The following EPHA6 variants were observed in gnomAD, a reference collection of about 807,000 sequenced individuals.
EPHA6 encodes the protein ephrin type-A receptor 6.
A neutral mutation model predicts 112.0 loss-of-function variants in EPHA6; 50 were observed. The observed-to-expected ratio is 0.45, with a 90% CI of 0.36 to 0.56. The LOEUF (loss-of-function observed/expected upper bound fraction) is 0.56, where lower values mean the gene tolerates loss of function less well. EPHA6 is among the 20% of genes least tolerant of loss of function. The pLI is 0.00. For synonymous variants in EPHA6, 529 were observed against 490.7 expected (o/e 1.08, Z -1.03); for missense variants, 1,280 against 1,417.4 (o/e 0.90, Z 1.56).
chr3:97,371,654 G>A (rs1049912269), intron 5 of EPHA6, among the ~76,000 whole-genome samples: 1 of 152,142 alleles, frequency 6.6e-6, no homozygotes, highest in Non-Finnish European at 1.5e-5. Context: ...AATGTTCAAG[G>A]AACAAGGGAG....
intron 3 of EPHA6, among the ~76,000 whole-genome samples, chr3:97,095,688 A>T (rs2047215547): frequency 1.3e-5 from 2 of 151,766 alleles, no homozygotes; most frequent in African/African-American, 4.8e-5. Context: ...GGTGTGTGTA[A>T]CTCTGGGATA....
chr3:97,236,016 T>G (rs528413646), intron 4 of EPHA6, among the ~76,000 whole-genome samples: 5 of 152,088 alleles, frequency 3.3e-5, no homozygotes, highest in South Asian at 2.1e-4. Context: ...AATGTTTTAA[T>G]ATATTTCATA....
At position 96,987,510 on chromosome 3, in the gene EPHA6, G is replaced by C. The variant is rs1324584821; in HGVS notation, c.631G>C (p.Val211Leu). The C allele has an allele frequency of 6.2e-7, 1 of 1,613,926 alleles. No individual in the cohort carries two copies. Among genetic ancestry groups the C allele is most frequent in the Admixed American group, 1.7e-5 (1 of 59,996 alleles). ...AAGGGATTGTAACAGCATCCCATGG[G>C]TCTTGGGGACTTGCAAAGAAACATT... ...TLRDCNSIPWVLGTCKETFNL... is the reference protein window; with the variant it reads ...TLRDCNSIPWLLGTCKETFNL... The change falls in exon 3 of 18, where the codon GTC (valine) becomes CTC (leucine). Residue 211 changes from valine (V) to leucine (L), a missense_variant. Physicochemically the swap from Val to Leu is conservative, Grantham distance 32. Coordinates refer to ENST00000389672, the MANE Select transcript of EPHA6 (RefSeq NM_001080448.3).
intron 3 of EPHA6, among the ~76,000 whole-genome samples, chr3:97,052,719 G>A (rs2045722858): frequency 6.6e-6 from 1 of 152,074 alleles, no homozygotes; most frequent in Admixed American, 6.6e-5. Flanking sequence ...TTTTCAGATA[G>A]TAGGGGATTA....
In EPHA6 at chr3:97,039,434, C is replaced by G. The variant is rs549554283; in HGVS notation, c.1114+51441C>G. Among the ~76,000 whole-genome samples the G allele has an allele frequency of 1.9e-4, 29 of 151,836 alleles. No homozygotes were observed. In the South Asian group the frequency reaches 3.3e-3, roughly 17 times the overall value. ...TAATTTGGAGAGTGGTAGACACAAGCCTGTTGGAGTAGATTGAAGAATGAA... is the reference window on the plus strand; with the variant it reads ...TAATTTGGAGAGTGGTAGACACAAGGCTGTTGGAGTAGATTGAAGAATGAA... On this transcript the variant is annotated intron_variant, in intron 3 of 17. Coordinates refer to ENST00000389672, the MANE Select transcript of EPHA6 (RefSeq NM_001080448.3).
chr3:97,543,988 T>G (rs879526103), intron 11 of EPHA6, among the ~76,000 whole-genome samples: 4 of 152,250 alleles, frequency 2.6e-5, no homozygotes, highest in Admixed American at 1.3e-4. Flanking sequence ...GTGGAGATTT[T>G]GGGCTCAGAT....
intron 11 of EPHA6, among the ~76,000 whole-genome samples, chr3:97,590,548 C>A (rs2093533443): frequency 6.7e-6 from 1 of 148,710 alleles, no homozygotes; most frequent in South Asian, 2.1e-4. Flanking sequence ...AGAGTCACTA[C>A]TTTACATATT....
intron 5 of EPHA6, among the ~76,000 whole-genome samples, chr3:97,287,314 T>C (rs1475435807): frequency 6.6e-6 from 1 of 152,114 alleles, no homozygotes; most frequent in Non-Finnish European, 1.5e-5. Context: ...GCTTAGCTTC[T>C]CTGAGTTCAG....
intron 10 of EPHA6, among the ~76,000 whole-genome samples, chr3:97,510,490 C>G (rs1050767449): frequency 3.3e-5 from 5 of 152,190 alleles, no homozygotes; most frequent in African/African-American, 1.2e-4. Context: ...CACTCAGACC[C>G]TGTTTGCCTG....
chr3:97,240,762 T>C (rs1357493413), intron 4 of EPHA6, among the ~76,000 whole-genome samples: 1 of 151,788 alleles, frequency 6.6e-6, no homozygotes, highest in Non-Finnish European at 1.5e-5. Flanking sequence ...AAAATAAGAT[T>C]CTATGAACAA....
At chr3:97,326,601 A>G (rs1395033071) in intron 5 of EPHA6, among the ~76,000 whole-genome samples, 2 of 152,088 alleles carry the variant, frequency 1.3e-5, no homozygotes, top group Non-Finnish European at 2.9e-5. Flanking sequence ...TAAGGAGCTT[A>G]AACTTTTATA....
chr3:97,379,204 T>G (rs1230382644), intron 5 of EPHA6, among the ~76,000 whole-genome samples: 1 of 152,142 alleles, frequency 6.6e-6, no homozygotes, highest in Non-Finnish European at 1.5e-5. Flanking sequence ...TTTCTTGAAG[T>G]GCCTTTCAGC....
intron 14 of EPHA6, among the ~76,000 whole-genome samples, chr3:97,663,733 A>G (rs965991188): frequency 6.6e-6 from 1 of 152,068 alleles, no homozygotes; most frequent in African/African-American, 2.4e-5. Context: ...CCAGTCTATC[A>G]TTGCTGGACA....
At chr3:97,536,171 T>C (rs2092761298) in intron 11 of EPHA6, among the ~76,000 whole-genome samples, 1 of 152,154 alleles carries the variant, frequency 6.6e-6, no homozygotes, top group Non-Finnish European at 1.5e-5. Flanking sequence ...ATAGCACAGA[T>C]AATAGCAATT....
intron 2 of EPHA6, among the ~76,000 whole-genome samples, chr3:96,931,276 G>T (rs1281245183): frequency 6.6e-6 from 1 of 152,152 alleles, no homozygotes; most frequent in African/African-American, 2.4e-5. Flanking sequence ...AATGGATCAG[G>T]GTCCTGCTTT....
At chr3:97,228,813 AGTT>A (rs1328163603) in intron 4 of EPHA6, among the ~76,000 whole-genome samples, 1 of 152,092 alleles carries the variant, frequency 6.6e-6, no homozygotes, top group Non-Finnish European at 1.5e-5. Context: ...TATCCGTGGT[AGTT>A]GTACTGGTTT....
At chr3:97,304,060 T>C (rs1456045171) in intron 5 of EPHA6, among the ~76,000 whole-genome samples, 1 of 151,970 alleles carries the variant, frequency 6.6e-6, no homozygotes, top group Admixed American at 6.6e-5. Context: ...TGTTGGTGTA[T>C]ACAAATGCTT....
chr3:97,299,197 G>T (rs1337605379), intron 5 of EPHA6, among the ~76,000 whole-genome samples: 1 of 150,734 alleles, frequency 6.6e-6, no homozygotes, highest in Non-Finnish European at 1.5e-5. Context: ...GTGTGTGTGT[G>T]TGTGTGTGTG....
chr3:96,981,344 G>T (rs113840697), intron 2 of EPHA6, among the ~76,000 whole-genome samples: 1 of 152,092 alleles, frequency 6.6e-6, no homozygotes, highest in Non-Finnish European at 1.5e-5. Context: ...TTATGTGCTG[G>T]ATTTCATTTA....
Sources: allele counts gnomAD v4.1 joint callset (sites outside exome capture counted in the v4.1 genomes callset), GRCh38; gene constraint gnomAD v4.1.1; transcripts MANE v1.5; gene names NCBI Gene and HGNC (gene_info 2026-07-23, HGNC 2026-07-21).